The following ROBO1 variants were observed in gnomAD, a reference collection of about 807,000 sequenced individuals.
ROBO1 encodes the protein roundabout homolog 1.
Under a neutral mutation model 195.9 loss-of-function variants are expected in ROBO1, and 149 were observed. The observed-to-expected ratio is 0.76, with a 90% CI of 0.67 to 0.87. The LOEUF (loss-of-function observed/expected upper bound fraction) is 0.87, where lower values mean the gene tolerates loss of function less well. ROBO1 is among the 40% of genes least tolerant of loss of function. The pLI is 0.00. For missense variants in ROBO1, 1,933 were observed against 2,068.3 expected (o/e 0.93, Z 1.27); for synonymous variants, 816 against 733.2 (o/e 1.11, Z -1.82).
intron 2 of ROBO1, among the ~76,000 whole-genome samples, chr3:79,356,272 T>C (rs892921655): frequency 5.9e-5 from 9 of 152,078 alleles, no homozygotes; most frequent in Admixed American, 3.9e-4. Flanking sequence ...ACCTGGGAGG[T>C]GGAGGTTGCA....
intron 4 of ROBO1, among the ~76,000 whole-genome samples, chr3:78,903,051 T>G (rs944144624): frequency 2.0e-5 from 3 of 152,132 alleles, no homozygotes; most frequent in Non-Finnish European, 4.4e-5. Flanking sequence ...AAAACTACTC[T>G]CATAGGAAGA....
chr3:78,965,987 G>C (rs1220972164), intron 3 of ROBO1, among the ~76,000 whole-genome samples: 1 of 152,132 alleles, frequency 6.6e-6, no homozygotes, highest in Non-Finnish European at 1.5e-5. Flanking sequence ...TATTGTGTTA[G>C]ACCAGGGGTC....
At chr3:78,778,279 G>A (rs983532588) in intron 4 of ROBO1, among the ~76,000 whole-genome samples, 3 of 152,060 alleles carry the variant, frequency 2.0e-5, no homozygotes, top group African/African-American at 4.8e-5. Context: ...CCTCAAGGAC[G>A]TTGGCCTGAA....
At chr3:78,915,311 T>C (rs1403790097) in intron 4 of ROBO1, among the ~76,000 whole-genome samples, 3 of 152,250 alleles carry the variant, frequency 2.0e-5, no homozygotes, top group South Asian at 2.1e-4. Context: ...TTTGAAGAGA[T>C]AAAAAGAAAA....
chr3:79,237,963 G>C (rs2082444739), intron 2 of ROBO1, among the ~76,000 whole-genome samples: 1 of 152,138 alleles, frequency 6.6e-6, no homozygotes, highest in Non-Finnish European at 1.5e-5. Context: ...CTAGAAAGCA[G>C]TGCGGTCTTC....
In ROBO1 at chr3:78,635,929, A is replaced by G; in HGVS notation, c.3217T>C (p.Tyr1073His). 6.2e-7 allele frequency: 1 copy of G among 1,613,904 alleles called. No individual in the cohort carries two copies. The highest frequency in any genetic ancestry group is 8.5e-7 in the Non-Finnish European group (1 of 1,179,848). The part of the protein sequence containing the change: ...FVNPSGQPTP[Y>H]ATTQLIQSNL... ...GACTGGATGAGCTGAGTGGTGGCGT[A>G]AGGAGTAGGCTGCCCTGATGGATTG... Residue 1073 changes from tyrosine to histidine, a missense_variant, in exon 23 of 31, where the codon TAC (tyrosine) becomes CAC (histidine). Around this residue, in one of 3 missense-constraint regions of ROBO1, gnomAD observed 1,737 missense variants for 1,882.5 expected, o/e 0.92. Transcript: ENST00000464233.
At chr3:78,825,006 ATT>A (rs1234363724) in intron 4 of ROBO1, among the ~76,000 whole-genome samples, 1 of 152,076 alleles carries the variant, frequency 6.6e-6, no homozygotes, top group Non-Finnish European at 1.5e-5. Flanking sequence ...CTCTGTTAAA[ATT>A]TCTTTTCTAA....
chr3:78,609,928 G>A (rs1703709747), intron 28 of ROBO1, among the ~76,000 whole-genome samples: 1 of 152,044 alleles, frequency 6.6e-6, no homozygotes, highest in Admixed American at 6.6e-5. Flanking sequence ...GGCATTATAT[G>A]CTAAAGCTAA....
chr3:79,615,554 T>C (rs1411273574), intron 1 of ROBO1, among the ~76,000 whole-genome samples: 1 of 152,128 alleles, frequency 6.6e-6, no homozygotes, highest in Admixed American at 6.5e-5. Context: ...ATAATTTTGG[T>C]TTACAGCACT....
chr3:79,490,776 A>G (rs1431074255), intron 2 of ROBO1, among the ~76,000 whole-genome samples: 1 of 152,124 alleles, frequency 6.6e-6, no homozygotes, highest in Non-Finnish European at 1.5e-5. Flanking sequence ...GTGCTTATGC[A>G]TATTTGCATT....
intron 26 of ROBO1, among the ~76,000 whole-genome samples, chr3:78,624,657 T>A (rs899926079): frequency 6.6e-6 from 1 of 152,122 alleles, no homozygotes; most frequent in Non-Finnish European, 1.5e-5. Context: ...TGGAACTCAA[T>A]GACATGAACG....
chr3:79,084,678 A>G (rs900490529), intron 3 of ROBO1, among the ~76,000 whole-genome samples: 5 of 152,148 alleles, frequency 3.3e-5, no homozygotes, highest in African/African-American at 1.2e-4. Flanking sequence ...CAAAATTCAC[A>G]TGATTATTAA....
chr3:79,125,537 G>A lies in ROBO1; in HGVS notation c.91C>T (p.Pro31Ser). The A allele has an allele frequency of 6.2e-7, 1 of 1,613,176 alleles. No individual in the cohort carries two copies. Among genetic ancestry groups the A allele is most frequent in the African/African-American group, 1.3e-5 (1 of 74,960 alleles). Residue 31 changes from proline to serine, a missense_variant and splice_region_variant, in exon 3 of 31, where the codon CCT (proline) becomes TCT (serine). Pro to Ser is a moderately conservative substitution (Grantham distance 74). Transcript: ENST00000464233. ...TCGTTCCCCCTCTCTACATCTTCAG[G>A]GTCTGTCGGAAACAACACCAGAGCT... ...HLFLAQLIPD[P>S]EDVERGNDHG...
At chr3:78,959,035 T>C (rs543152713) in intron 3 of ROBO1, among the ~76,000 whole-genome samples, 18 of 152,004 alleles carry the variant, frequency 1.2e-4, no homozygotes, top group Non-Finnish European at 1.9e-4. Context: ...ACTCCTGAGA[T>C]CAAGCTATCC....
rs1449217514 is a variant in ROBO1 at position 79,582,020 on chromosome 3, A to C, written c.88+7804T>G. ...AAGGAACAAAGTAAAGAATATATAC[A>C]TATGCACACATATATATCTATTTGT... is the stretch of plus-strand genomic sequence containing the variant. On this transcript the variant is annotated intron_variant, in intron 2 of 30. Transcript: ENST00000464233. 2.6e-5 allele frequency among the ~76,000 whole-genome samples: 4 copies of C among 152,050 alleles called. No homozygotes were observed. The East Asian group carries it at 7.7e-4, about 29-fold the overall frequency.
intron 2 of ROBO1, among the ~76,000 whole-genome samples, chr3:79,353,838 A>G (rs2109276082): frequency 6.6e-6 from 1 of 152,218 alleles, no homozygotes; most frequent in East Asian, 1.9e-4. Flanking sequence ...TGAGGCCAGG[A>G]GTTCAAGACC....
intron 3 of ROBO1, among the ~76,000 whole-genome samples, chr3:79,032,409 T>C (rs1217011011): frequency 6.6e-6 from 1 of 151,952 alleles, no homozygotes; most frequent in Non-Finnish European, 1.5e-5. Flanking sequence ...TGAAAAATAA[T>C]ATAATAAATT....
intron 4 of ROBO1, among the ~76,000 whole-genome samples, chr3:78,867,302 A>G (rs1182884846): frequency 2.0e-5 from 3 of 152,164 alleles, no homozygotes; most frequent in Non-Finnish European, 4.4e-5. Context: ...TTGTTGACTT[A>G]TGATTATATC....
chr3:79,692,966 T>G (rs1322723429), intron 1 of ROBO1, among the ~76,000 whole-genome samples: 1 of 151,814 alleles, frequency 6.6e-6, no homozygotes, highest in African/African-American at 2.4e-5. Context: ...TTTAAATAAT[T>G]TTGTGCATAT....
Sources: gnomAD v4.1 joint callset for allele counts (sites outside exome capture counted in the v4.1 genomes callset) on GRCh38, gnomAD v4.1.1 for gene constraint, gnomAD v4.1.1 regional missense constraint, MANE v1.5 for transcripts, NCBI Gene and HGNC (gene_info 2026-07-23, HGNC 2026-07-21) for gene names.